The following GNG12 variants were observed in gnomAD, a reference collection of about 807,000 sequenced individuals.
GNG12 encodes the protein guanine nucleotide-binding protein G(I)/G(S)/G(O) subunit gamma-12.
For synonymous variants in GNG12, 28 were observed against 29.7 expected (o/e 0.94, Z 0.19); for missense variants, 69 against 83.8 (o/e 0.82, Z 0.69).
At chr1:67,707,820 C>T (rs1646258924) in intron 2 of GNG12, 108 bp from the exon 3 acceptor site, 2 of 608,658 alleles carry the variant, frequency 3.3e-6, no homozygotes, top group African/African-American at 1.9e-5. Flanking sequence ...TCCTAGTCAT[C>T]ACAGCTTCTT....
At chr1:67,777,590 G>C (rs1646713253) in intron 1 of GNG12, 83 bp from the exon 2 acceptor site, 2 of 190,458 alleles carry the variant, frequency 1.1e-5, no homozygotes, top group Admixed American at 1.3e-4. Flanking sequence ...CTGCCATAAC[G>C]TTGAGCATTT....
chr1:67,711,931 C>G (rs531247952), intron 2 of GNG12, among the ~76,000 whole-genome samples: 25 of 152,270 alleles, frequency 1.6e-4, no homozygotes, highest in African/African-American at 6.0e-4. Flanking sequence ...AAAATTAGAC[C>G]GTTTCAAGTT....
intron 2 of GNG12, among the ~76,000 whole-genome samples, chr1:67,709,590 C>A (rs1646269422): frequency 6.6e-6 from 1 of 151,508 alleles, no homozygotes; most frequent in African/African-American, 2.4e-5. Flanking sequence ...TCAACACATT[C>A]CCAGAGTAGC....
intron 2 of GNG12, among the ~76,000 whole-genome samples, chr1:67,765,350 G>A (rs917856047): frequency 6.6e-6 from 1 of 152,082 alleles, no homozygotes; most frequent in Admixed American, 6.5e-5. Context: ...TAAACACTAT[G>A]ATTGTATATT....
At chr1:67,739,308 C>T (rs1646469777) in intron 2 of GNG12, among the ~76,000 whole-genome samples, 1 of 152,204 alleles carries the variant, frequency 6.6e-6, no homozygotes, top group Admixed American at 6.5e-5. Flanking sequence ...ATGGTAATAC[C>T]ATTCACCCAA....
intron 2 of GNG12, among the ~76,000 whole-genome samples, chr1:67,747,816 G>A (rs187383490): frequency 7.1e-4 from 108 of 152,234 alleles, no homozygotes; most frequent in Admixed American, 3.6e-3. Flanking sequence ...TCCTCTTCCC[G>A]GAACAAACAC....
intron 1 of GNG12, among the ~76,000 whole-genome samples, chr1:67,815,842 T>C (rs1646950449): frequency 6.6e-6 from 1 of 151,886 alleles, no homozygotes; most frequent in Non-Finnish European, 1.5e-5. Flanking sequence ...AAATCCCGAG[T>C]TCTCCTTCTG....
chr1:67,833,179 G>C (rs1400366283), intron 1 of GNG12, among the ~76,000 whole-genome samples, 165 bp downstream of exon 1: 2 of 151,428 alleles, frequency 1.3e-5, no homozygotes, highest in South Asian at 2.1e-4. Flanking sequence ...CCTCCAGCAG[G>C]ACACTCTTCC....
In GNG12 at chr1:67,830,380, A is replaced by T. The variant is rs144678250; in HGVS notation, c.-77+2964T>A. ...TGTGATGAGTAGATTTCCTGAATTA[A>T]CTGAACACCCAATCTCATGAAAGTT... On this transcript the variant is annotated intron_variant, in intron 1 of 3. Transcript: ENST00000370982. Among the ~76,000 whole-genome samples the T allele has an allele frequency of 2.7e-4, 41 of 152,326 alleles. No homozygotes were observed. In the East Asian group the frequency reaches 6.9e-3, roughly 26 times the overall value.
chr1:67,806,983 T>C (rs575205908), intron 1 of GNG12, among the ~76,000 whole-genome samples: 14 of 152,130 alleles, frequency 9.2e-5, no homozygotes, highest in Non-Finnish European at 1.6e-4. Context: ...CAACAGAATA[T>C]ACATTCTTTT....
intron 2 of GNG12, among the ~76,000 whole-genome samples, chr1:67,775,343 T>C (rs1460224180): frequency 6.6e-6 from 1 of 152,250 alleles, no homozygotes; most frequent in Non-Finnish European, 1.5e-5. Flanking sequence ...TAACAAGTGG[T>C]TGCCAACTAG....
intron 1 of GNG12, among the ~76,000 whole-genome samples, chr1:67,783,404 T>C (rs1646749019): frequency 6.6e-6 from 1 of 152,150 alleles, no homozygotes; most frequent in Non-Finnish European, 1.5e-5. Context: ...GGGTTTTTAT[T>C]AGCATACAAT....
intron 1 of GNG12, among the ~76,000 whole-genome samples, chr1:67,786,020 T>C (rs1011424945): frequency 6.6e-6 from 1 of 152,168 alleles, no homozygotes; most frequent in African/African-American, 2.4e-5. Context: ...ATCTGTTTCC[T>C]AATACTAGGA....
At chr1:67,758,442 G>A (rs1425645841) in intron 2 of GNG12, among the ~76,000 whole-genome samples, 6 of 152,162 alleles carry the variant, frequency 3.9e-5, no homozygotes, top group Non-Finnish European at 8.8e-5. Flanking sequence ...TGGTAGCAGC[G>A]GCCAGCTCGC....
At chr1:67,807,252 C>T (rs1646898933) in intron 1 of GNG12, among the ~76,000 whole-genome samples, 1 of 151,680 alleles carries the variant, frequency 6.6e-6, no homozygotes, top group East Asian at 1.9e-4. Flanking sequence ...TGAAAATACA[C>T]CTAATCAAAA....
intron 1 of GNG12, among the ~76,000 whole-genome samples, chr1:67,801,055 C>A (rs1646861712): frequency 6.6e-6 from 1 of 151,982 alleles, no homozygotes; most frequent in Non-Finnish European, 1.5e-5. Flanking sequence ...AGGAGGAGCA[C>A]AAGACAAAGC....
chr1:67,769,261 C>T (rs1260362760), intron 2 of GNG12, among the ~76,000 whole-genome samples: 1 of 152,150 alleles, frequency 6.6e-6, no homozygotes, highest in African/African-American at 2.4e-5. Flanking sequence ...CAGCGAGTGA[C>T]CTAATTGTTA....
intron 2 of GNG12, among the ~76,000 whole-genome samples, chr1:67,763,000 A>C (rs1487776370): frequency 6.6e-6 from 1 of 151,868 alleles, no homozygotes; most frequent in Non-Finnish European, 1.5e-5. Flanking sequence ...ATTTTGATAT[A>C]AGTTCAGACT....
intron 2 of GNG12, among the ~76,000 whole-genome samples, chr1:67,709,938 ATATATATATAGTTATATATATAGT>A (rs1158986315): frequency 9.2e-5 from 2 of 21,836 alleles, no homozygotes; most frequent in Non-Finnish European, 1.7e-4. Context: ...ATATATAGTT[ATATATATATAGTTATATATATAGT>A]TATATATATA....
Sources: allele counts gnomAD v4.1 joint callset (sites outside exome capture counted in the v4.1 genomes callset), GRCh38; gene constraint gnomAD v4.1.1; transcripts MANE v1.5; gene names NCBI Gene and HGNC (gene_info 2026-07-23, HGNC 2026-07-21).